The following DIAPH3 variants were observed in gnomAD, a reference collection of about 807,000 sequenced individuals.
DIAPH3 encodes diaphanous related formin 3.
DIAPH3 carries 117 observed loss-of-function variants against 144.3 expected under a neutral mutation model. The ratio of observed to expected loss-of-function variants is 0.81; its 90% CI spans 0.70 to 0.95. DIAPH3 has a LOEUF of 0.95. DIAPH3 is among the 40% of genes least tolerant of loss of function. DIAPH3 has a pLI of 0.00. For synonymous variants in DIAPH3, 519 were observed against 488.9 expected, an observed-to-expected ratio of 1.06 and a Z score of -0.81; for missense variants, 1,421 against 1,412.7, an observed-to-expected ratio of 1.01 and a Z score of -0.09.
chr13:59,720,859 G>C (rs1464305567), intron 27 of DIAPH3, among the ~76,000 whole-genome samples: 1 of 152,104 alleles, frequency 6.6e-6, no homozygotes, highest in Admixed American at 6.5e-5. Flanking sequence ...ATTTTCCTCT[G>C]CAAGTATTCA....
Position 59,932,238 on chromosome 13 carries a change from A to G in DIAPH3, c.2075-7368T>C, listed in dbSNP as rs572229094. 3.9e-5 allele frequency among the ~76,000 whole-genome samples: 6 copies of G among 152,248 alleles called. No individual in the cohort carries two copies. In the South Asian group the frequency reaches 1.2e-3, roughly 32 times the overall value. On this transcript the variant is annotated intron_variant, in intron 17 of 27. Transcript: ENST00000400324. ...TCAGTATCCTTTTACATTCTGAAAC[A>G]TTTCGTAGTCTACCTAAAGAAAAAC...
chr13:59,671,924 C>T (rs749033283), intron 27 of DIAPH3, among the ~76,000 whole-genome samples: 1 of 152,096 alleles, frequency 6.6e-6, no homozygotes, highest in Admixed American at 6.5e-5. Context: ...CCCACATGAT[C>T]TTTGGCAGAG....
At chr13:59,762,974 T>C (rs2037679655) in intron 27 of DIAPH3, among the ~76,000 whole-genome samples, 1 of 152,130 alleles carries the variant, frequency 6.6e-6, no homozygotes, top group South Asian at 2.1e-4. Context: ...AGGCCCTCAC[T>C]AGATGCCAGA....
At chr13:59,847,478 C>T (rs1254250319) in intron 22 of DIAPH3, among the ~76,000 whole-genome samples, 2 of 152,036 alleles carry the variant, frequency 1.3e-5, no homozygotes, top group Non-Finnish European at 2.9e-5. Flanking sequence ...AAGGCGGCAG[C>T]CTTTTAGAAG....
chr13:59,959,111 G>A (rs2049588584), intron 17 of DIAPH3, among the ~76,000 whole-genome samples: 1 of 151,912 alleles, frequency 6.6e-6, no homozygotes, highest in African/African-American at 2.4e-5. Flanking sequence ...CCTGACCTCA[G>A]GTGCTCCACC....
chr13:60,086,440 T>C (rs957206400), intron 4 of DIAPH3, among the ~76,000 whole-genome samples: 4 of 152,094 alleles, frequency 2.6e-5, no homozygotes, highest in African/African-American at 9.7e-5. Context: ...GGCTCTGAAA[T>C]TTTCTGCTAG....
In DIAPH3 at chr13:59,864,951, T is replaced by C. The variant is rs550752151; in HGVS notation, c.2608-3415A>G. The stretch of plus-strand genomic sequence containing the variant: ...CCACTCAAACTTTCATGTAAATAAA[T>C]TTGAAACTAAGCCTAATAAATAAGA... On this transcript the variant is annotated intron_variant, in intron 21 of 27. Transcript: ENST00000400324. Among the ~76,000 whole-genome samples the C allele has an allele frequency of 7.9e-5, 12 of 152,154 alleles. No individual in the cohort carries two copies. The South Asian group carries it at 2.3e-3, about 29-fold the overall frequency.
At chr13:59,853,467 C>T (rs1053023502) in intron 22 of DIAPH3, among the ~76,000 whole-genome samples, 8 of 152,144 alleles carry the variant, frequency 5.3e-5, no homozygotes, top group South Asian at 2.1e-4. Flanking sequence ...TGAGTTTTCA[C>T]GAGATCTGGT....
At chr13:59,883,724 C>G (rs971093236) in intron 20 of DIAPH3, among the ~76,000 whole-genome samples, 2 of 152,106 alleles carry the variant, frequency 1.3e-5, no homozygotes, top group Non-Finnish European at 2.9e-5. Context: ...CTCAGAGCAT[C>G]GCAATGTGGA....
chr13:60,134,178 T>C (rs186116984), intron 1 of DIAPH3, among the ~76,000 whole-genome samples: 2 of 152,302 alleles, frequency 1.3e-5, no homozygotes, highest in Admixed American at 1.3e-4. Flanking sequence ...CCAAAGAAAA[T>C]GTAGCCAAAT....
In DIAPH3 at chr13:59,823,983, A is replaced by C. The variant is rs755850849; in HGVS notation, c.3027+9124T>G. Among the ~76,000 whole-genome samples, 55 of 152,200 alleles carry C rather than the reference A, an allele frequency of 3.6e-4. 2 individuals carry two copies. Among genetic ancestry groups the C allele is most frequent in the Non-Finnish European group, 7.2e-4 (49 of 68,036 alleles). ...TTGATTTTATATTTGTTCACAACAT[A>C]GATTTCAATTTTATAAACCAAAAAT... On this transcript the variant is annotated intron_variant, in intron 24 of 27. Transcript: ENST00000400324.
intron 25 of DIAPH3, among the ~76,000 whole-genome samples, chr13:59,785,767 C>T (rs1593849157): frequency 1.3e-5 from 2 of 151,890 alleles, no homozygotes; most frequent in Non-Finnish European, 1.5e-5. Context: ...TAGAAGTGGC[C>T]GTGTGATGCA....
At position 60,012,973 on chromosome 13, in the gene DIAPH3, T is replaced by A. The variant is rs991995906; in HGVS notation, c.772-2304A>T. The A allele has an allele frequency of 4.0e-5, 39 of 979,940 alleles. No individual in the cohort carries two copies. The African/African-American group carries it at 6.8e-4, about 17-fold the overall frequency. 60.7% of individuals were successfully genotyped at this position (979,940 alleles called of 1,614,324 possible). A position where few individuals can be genotyped will look rare whatever the true frequency, so the allele number is the denominator to read the frequency against. Reference sequence around the variant, plus strand: ...AATACAGAATTGCTACTTGTATAAATTACTCTCAATTATTTAAAAAACATA... The same window carrying A: ...AATACAGAATTGCTACTTGTATAAAATACTCTCAATTATTTAAAAAACATA... On this transcript the variant is annotated intron_variant, in intron 7 of 27. Coordinates refer to ENST00000400324, the MANE Select transcript of DIAPH3 (RefSeq NM_001042517.2).
At chr13:59,887,471 C>T (rs2045526124) in intron 20 of DIAPH3, among the ~76,000 whole-genome samples, 1 of 151,922 alleles carries the variant, frequency 6.6e-6, no homozygotes, top group South Asian at 2.1e-4. Flanking sequence ...CCTTCTTTGG[C>T]CCACCGGTAA....
chr13:60,042,142 T>C (rs1050811677), intron 5 of DIAPH3, among the ~76,000 whole-genome samples: 1 of 152,140 alleles, frequency 6.6e-6, no homozygotes, highest in African/African-American at 2.4e-5. Flanking sequence ...TGGAAACACC[T>C]ATGGTATTGT....
intron 27 of DIAPH3, among the ~76,000 whole-genome samples, chr13:59,772,654 T>C (rs1466908965): frequency 1.3e-5 from 2 of 152,104 alleles, no homozygotes; most frequent in Non-Finnish European, 2.9e-5. Flanking sequence ...AAGACCAGTG[T>C]ACAAAGTTAT....
intron 1 of DIAPH3, among the ~76,000 whole-genome samples, chr13:60,148,678 G>C (rs1009146917): frequency 6.6e-6 from 1 of 152,166 alleles, no homozygotes; most frequent in African/African-American, 2.4e-5. Flanking sequence ...GGTTTCAAGG[G>C]GGGCAAGGTT....
chr13:60,047,462 T>A (rs923761894), intron 4 of DIAPH3, among the ~76,000 whole-genome samples: 1 of 152,184 alleles, frequency 6.6e-6, no homozygotes, highest in Non-Finnish European at 1.5e-5. Context: ...AAATCTATAG[T>A]AATCAAATTA....
chr13:59,803,331 A>C (rs1179262075), intron 25 of DIAPH3, among the ~76,000 whole-genome samples: 4 of 152,198 alleles, frequency 2.6e-5, no homozygotes, highest in Admixed American at 6.5e-5. Flanking sequence ...ACACCTTAAA[A>C]ATTTAAATTA....
Sources: allele counts gnomAD v4.1 joint callset (sites outside exome capture counted in the v4.1 genomes callset), GRCh38; gene constraint gnomAD v4.1.1; transcripts MANE v1.5; gene names NCBI Gene and HGNC (gene_info 2026-07-23, HGNC 2026-07-21).